The following MTMR9 variants were observed in gnomAD, a reference collection of about 807,000 sequenced individuals.
The protein encoded by MTMR9 is myotubularin related protein 9, also known as myotubularin-related protein 9.
In MTMR9, 39 loss-of-function variants were observed where a neutral mutation model predicts 69.5. The ratio of observed to expected loss-of-function variants is 0.56; its 90% CI spans 0.43 to 0.73. The LOEUF is 0.73. Ranked by LOEUF, MTMR9 falls within the 30% of genes least tolerant of loss-of-function variation. The probability of loss-of-function intolerance (pLI) is 0.00; values close to 1 mark genes in which losing one functional copy is unlikely to be tolerated. For missense variants in MTMR9, 900 were observed against 671.2 expected, an observed-to-expected ratio of 1.34 and a Z score of -3.77; for synonymous variants, 354 against 240.8, an observed-to-expected ratio of 1.47 and a Z score of -4.35.
Position 11,324,424 on chromosome 8 carries a change from C to G in MTMR9, c.*1636C>G, listed in dbSNP as rs1275834649. 6.6e-6 allele frequency: 1 copy of G among 151,332 alleles called. No homozygotes were observed. The highest frequency in any genetic ancestry group is 1.5e-5 in the Non-Finnish European group (1 of 67,974). 9.4% of individuals were successfully genotyped at this position (151,332 alleles called of 1,614,324 possible). Reference sequence around the variant, plus strand: ...TACTTTCTTTGCTGTAGTTATGAACCTTGGGGCATTAAAATCCCATGGCAA... The same window carrying G: ...TACTTTCTTTGCTGTAGTTATGAACGTTGGGGCATTAAAATCCCATGGCAA... On this transcript the variant is annotated 3_prime_UTR_variant, in exon 10 of 10. Coordinates refer to ENST00000221086, the MANE Select transcript of MTMR9 (RefSeq NM_015458.4).
intron 8 of MTMR9, 175 bp downstream of exon 8, chr8:11,317,068 G>A (rs962090363): frequency 6.5e-6 from 3 of 458,146 alleles, no homozygotes; most frequent in Non-Finnish European, 1.1e-5. Context: ...TTTTATGAGA[G>A]CATGTCCTAG....
intron 9 of MTMR9, among the ~76,000 whole-genome samples, chr8:11,322,166 A>C (rs1470105046): frequency 6.6e-6 from 1 of 152,142 alleles, no homozygotes; most frequent in African/African-American, 2.4e-5. Context: ...ATAACAACAT[A>C]TGTGGTTCTG....
chr8:11,309,250 C>G (rs1800094119), intron 5 of MTMR9, among the ~76,000 whole-genome samples: 2 of 152,110 alleles, frequency 1.3e-5, no homozygotes, highest in Non-Finnish European at 2.9e-5. Flanking sequence ...ACGCAGGGCT[C>G]TGGCCTCTCC....
At chr8:11,310,603 C>T (rs139958511) in intron 6 of MTMR9, among the ~76,000 whole-genome samples, 8 of 152,148 alleles carry the variant, frequency 5.3e-5, no homozygotes, top group Admixed American at 3.3e-4. Context: ...CTGTTTTAGG[C>T]GTTAGGTGAA....
downstream of MTMR9, chr8:11,332,011 A>T: frequency 6.2e-7 from 1 of 1,611,834 alleles, no homozygotes; most frequent in Non-Finnish European, 8.5e-7. Context: ...TATATGCTCC[A>T]TGAGACTGTG....
intron 7 of MTMR9, chr8:11,316,322 T>G (rs1330536776): frequency 6.0e-6 from 1 of 167,714 alleles, no homozygotes; most frequent in Non-Finnish European, 1.3e-5. Flanking sequence ...TGAGAGCTTA[T>G]GTTCTTTGAC....
chr8:11,330,282 G>T (rs550779016), downstream of MTMR9, among the ~76,000 whole-genome samples: 261 of 151,448 alleles, frequency 1.7e-3, 2 homozygotes, highest in Non-Finnish European at 3.1e-3. Context: ...CGCCCTGTCC[G>T]GGAGGGAGGT....
Position 11,309,708 on chromosome 8 carries a change from T to A in MTMR9, c.971+20T>A. On this transcript the variant is annotated intron_variant, in intron 6 of 9. Coordinates refer to ENST00000221086, the MANE Select transcript of MTMR9 (RefSeq NM_015458.4). ...CGACAGGTAAAGTGCATTTCAGCGT[T>A]CCTGAGCGAAACATGGCGCTGCTAA... 1 of 1,611,092 alleles carries A rather than the reference T, an allele frequency of 6.2e-7. No homozygotes were observed. Among genetic ancestry groups the A allele is most frequent in the Non-Finnish European group, 8.5e-7 (1 of 1,178,596 alleles).
Position 11,306,328 on chromosome 8 carries a change from C to G in MTMR9, c.730C>G (p.Gln244Glu), listed in dbSNP as rs766206280. ...IDTRSLNVAQ[Q>E]TRAKGGGFEQ... ...CACCCGATCCCTGAACGTGGCTCAG[C>G]AAACTAGAGCCAAAGGAGGTGGCTT... The change falls in exon 5 of 10, where the codon CAA becomes GAA. Residue 244 changes from glutamine (Q) to glutamate (E), a missense_variant. Transcript: ENST00000221086. The G allele has an allele frequency of 6.2e-7, 1 of 1,614,066 alleles. No homozygotes were observed. The highest frequency in any genetic ancestry group is 8.5e-7 in the Non-Finnish European group (1 of 1,179,948).
chr8:11,320,405 C>T (rs1344684075), intron 9 of MTMR9: 1 of 152,186 alleles, frequency 6.6e-6, no homozygotes, highest in Non-Finnish European at 1.5e-5. Flanking sequence ...AGCTTATCCC[C>T]TTAAGTATGG....
the MTMR9 span, among the ~76,000 whole-genome samples, chr8:11,334,696 T>A: frequency 6.6e-6 from 1 of 152,058 alleles, no homozygotes; most frequent in African/African-American, 2.4e-5. Flanking sequence ...CACTTTTCAA[T>A]CAGAAGGCAG....
chr8:11,298,205 A>G (rs1013014841), intron 2 of MTMR9, among the ~76,000 whole-genome samples: 3 of 152,176 alleles, frequency 2.0e-5, no homozygotes, highest in African/African-American at 4.8e-5. Flanking sequence ...TTCTAGTGAC[A>G]TAAGATCTCA....
chr8:11,296,849 G>A (rs7836248), intron 2 of MTMR9, among the ~76,000 whole-genome samples: 31,022 of 151,928 alleles, frequency 0.2, 3,881 homozygotes, highest in African/African-American at 0.35. Context: ...GAATTTTCAC[G>A]TATCAATTAG....
the MTMR9 span, among the ~76,000 whole-genome samples, chr8:11,335,118 G>A: frequency 6.6e-6 from 1 of 152,280 alleles, no homozygotes; most frequent in South Asian, 2.1e-4. Flanking sequence ...AGATTGGGAA[G>A]GAAGAAACAG....
At chr8:11,285,146 G>T (rs897018491) in intron 1 of MTMR9, 76 bp downstream of exon 1, 19 of 1,393,424 alleles carry the variant, frequency 1.4e-5, no homozygotes, top group African/African-American at 4.4e-5. Context: ...ACTTCCTGGC[G>T]TTTTCCGCGC....
chr8:11,294,404 G>C lies in MTMR9; in HGVS notation c.183-790G>C, dbSNP rs555199430. The stretch of plus-strand genomic sequence containing the variant: ...TTTTTGTAAATGCCCTTATCAGGTT[G>C]AGGAAGTTCCCTTCTGTTTCAAATT... On this transcript the variant is annotated intron_variant, in intron 1 of 9. Transcript: ENST00000221086. 4.0e-5 allele frequency among the ~76,000 whole-genome samples: 6 copies of C among 151,716 alleles called. No individual in the cohort carries two copies. In the South Asian group the frequency reaches 1.2e-3, roughly 32 times the overall value.
At chr8:11,329,862 A>T (rs1801126382), downstream of MTMR9, among the ~76,000 whole-genome samples, 1 of 150,234 alleles carries the variant, frequency 6.7e-6, no homozygotes, top group Non-Finnish European at 1.5e-5. Context: ...CCCGTCTAGG[A>T]AGTGAGGAGC....
intron 3 of MTMR9, among the ~76,000 whole-genome samples, chr8:11,304,188 C>T (rs547726870): frequency 6.6e-6 from 1 of 152,196 alleles, no homozygotes; most frequent in Admixed American, 6.5e-5. Flanking sequence ...ATTTCATTGA[C>T]TCCTAAGCTT....
the MTMR9 span, among the ~76,000 whole-genome samples, chr8:11,333,567 A>G: frequency 6.6e-6 from 1 of 152,248 alleles, no homozygotes; most frequent in African/African-American, 2.4e-5. Context: ...TGAAGAAAGA[A>G]GTATCTCCAC....
Sources: gnomAD v4.1 joint callset for allele counts (sites outside exome capture counted in the v4.1 genomes callset) on GRCh38, gnomAD v4.1.1 for gene constraint, MANE v1.5 for transcripts, NCBI Gene and HGNC (gene_info 2026-07-23, HGNC 2026-07-21) for gene names.